The following DLG2 variants were observed in gnomAD, a reference collection of about 807,000 sequenced individuals.
DLG2 encodes the protein discs large MAGUK scaffold protein 2, also known as disks large homolog 2.
Under a neutral mutation model 132.5 loss-of-function variants are expected in DLG2, and 45 were observed. The observed-to-expected ratio is 0.34, with a 90% confidence interval of 0.27 to 0.44. The LOEUF (loss-of-function observed/expected upper bound fraction) is 0.44. DLG2 is among the 20% of genes least tolerant of loss of function. The probability of loss-of-function intolerance (pLI) is 1.00; values close to 1 mark genes in which losing one functional copy is unlikely to be tolerated. For synonymous variants in DLG2, 424 were observed against 419.6 expected, an observed-to-expected ratio of 1.01 and a Z score of -0.13; for missense variants, 1,045 against 1,196.9, an observed-to-expected ratio of 0.87 and a Z score of 1.87.
At chr11:83,753,651 TA>T (rs1430763691) in intron 18 of DLG2, among the ~76,000 whole-genome samples, 2 of 139,090 alleles carry the variant, frequency 1.4e-5, no homozygotes, top group Non-Finnish European at 3.0e-5. Flanking sequence ...AATATATCAA[TA>T]AATATATATA....
At chr11:84,422,633 T>A (rs1357428985) in intron 7 of DLG2, among the ~76,000 whole-genome samples, 1 of 152,208 alleles carries the variant, frequency 6.6e-6, no homozygotes, top group Non-Finnish European at 1.5e-5. Flanking sequence ...ATTACAGCAG[T>A]TATCATAGTT....
At chr11:84,049,183 T>C (rs1411566165) in intron 11 of DLG2, among the ~76,000 whole-genome samples, 7 of 151,748 alleles carry the variant, frequency 4.6e-5, no homozygotes, top group Admixed American at 2.6e-4. Context: ...ATAGAAAAGC[T>C]GGTAAAATTT....
chr11:83,811,125 T>C (rs188970120), intron 17 of DLG2, among the ~76,000 whole-genome samples: 100 of 152,238 alleles, frequency 6.6e-4, no homozygotes, highest in African/African-American at 2.1e-3. Flanking sequence ...TAAGTGATGA[T>C]AGGAATATCT....
intron 6 of DLG2, among the ~76,000 whole-genome samples, chr11:84,861,650 A>AAAAC (rs1344450913): frequency 1.4e-5 from 2 of 145,948 alleles, no homozygotes; most frequent in African/African-American, 5.1e-5. Context: ...CAAAAAAAAA[A>AAAAC]ACCTATCAGA....
intron 3 of DLG2, among the ~76,000 whole-genome samples, chr11:85,417,579 T>A (rs2152989945): frequency 6.6e-6 from 1 of 152,280 alleles, no homozygotes; most frequent in Non-Finnish European, 1.5e-5. Flanking sequence ...GGTCCTCAGC[T>A]TTTTTTGGTT....
intron 7 of DLG2, among the ~76,000 whole-genome samples, chr11:84,528,190 G>C (rs1005186479): frequency 6.6e-6 from 1 of 152,064 alleles, no homozygotes; most frequent in Non-Finnish European, 1.5e-5. Context: ...GAAAATTCTT[G>C]TGGTTTATTA....
At chr11:85,056,087 A>C (rs143033633) in intron 6 of DLG2, among the ~76,000 whole-genome samples, 1 of 152,238 alleles carries the variant, frequency 6.6e-6, no homozygotes, top group African/African-American at 2.4e-5. Flanking sequence ...CATTCAATAA[A>C]AATCAGCTAT....
Position 83,532,764 on chromosome 11 carries a change from C to T in DLG2, c.2137G>A (p.Ala713Thr). The T allele has an allele frequency of 6.2e-7, 1 of 1,612,638 alleles. No individual in the cohort carries two copies. The highest frequency in any genetic ancestry group is 8.5e-7 in the Non-Finnish European group (1 of 1,179,208). ...SKRRVERKER[A>T]RLKTVKFNAK... ...TTAAACTTCACTGTCTTCAATCGGG[C>T]ACGTTCCTTTCTTTCCACCCTAAAG... The change falls in exon 21 of 28, where the codon GCC (alanine) becomes ACC (threonine). Residue 713 changes from alanine to threonine, a missense_variant. Around this residue, in one of 4 missense-constraint regions of DLG2, gnomAD observed 398 missense variants for 543.6 expected, o/e 0.73. Transcript: ENST00000376104.
At chr11:85,389,713 A>T (rs2086639624) in intron 3 of DLG2, among the ~76,000 whole-genome samples, 1 of 152,302 alleles carries the variant, frequency 6.6e-6, no homozygotes, top group South Asian at 2.1e-4. Flanking sequence ...TTTAGCCTCC[A>T]CAAACAAAAC....
intron 3 of DLG2, among the ~76,000 whole-genome samples, chr11:85,306,847 T>C (rs947600813): frequency 9.9e-5 from 15 of 152,114 alleles, no homozygotes; most frequent in Admixed American, 3.3e-4. Flanking sequence ...GTTGGGATTA[T>C]AGGCGTGAGC....
intron 7 of DLG2, among the ~76,000 whole-genome samples, chr11:84,421,002 C>T (rs1480104167): frequency 6.6e-6 from 1 of 152,102 alleles, no homozygotes; most frequent in Non-Finnish European, 1.5e-5. Context: ...TCCGTAGAAA[C>T]CTAATCCTCA....
chr11:84,848,945 G>A (rs1417153321), intron 6 of DLG2, among the ~76,000 whole-genome samples: 1 of 152,210 alleles, frequency 6.6e-6, no homozygotes, highest in East Asian at 1.9e-4. Context: ...CATAACAGAG[G>A]TAATACAGTG....
chr11:85,465,633 A>ACTCATCATT (rs2092763843), intron 3 of DLG2, among the ~76,000 whole-genome samples: 1 of 152,064 alleles, frequency 6.6e-6, no homozygotes, highest in Non-Finnish European at 1.5e-5. Flanking sequence ...AAGGACATGA[A>ACTCATCATT]CTCATCATTT....
intron 4 of DLG2, among the ~76,000 whole-genome samples, chr11:85,173,549 C>T (rs187924477): frequency 3.5e-4 from 54 of 152,276 alleles, no homozygotes; most frequent in Non-Finnish European, 6.5e-4. Context: ...ACCAGTGCCA[C>T]TATGAAGTAA....
intron 4 of DLG2, among the ~76,000 whole-genome samples, chr11:85,182,742 C>T (rs543783277): frequency 1.3e-5 from 2 of 150,880 alleles, no homozygotes; most frequent in South Asian, 4.2e-4. Flanking sequence ...AGCCACAAAA[C>T]AACATTTAGG....
At chr11:83,527,526 C>CAG (rs768604203) in intron 21 of DLG2, among the ~76,000 whole-genome samples, 7 of 151,650 alleles carry the variant, frequency 4.6e-5, no homozygotes, top group African/African-American at 1.2e-4. Flanking sequence ...GCCTGGGCAA[C>CAG]AGAGAGAGAC....
intron 11 of DLG2, among the ~76,000 whole-genome samples, chr11:84,020,981 T>C (rs1429947532): frequency 6.6e-6 from 1 of 152,106 alleles, no homozygotes; most frequent in African/African-American, 2.4e-5. Flanking sequence ...CCTAAATCAG[T>C]AGGCCTTGGG....
intron 16 of DLG2, among the ~76,000 whole-genome samples, chr11:83,870,863 T>C (rs1191942203): frequency 1.3e-5 from 2 of 152,186 alleles, no homozygotes; most frequent in African/African-American, 2.4e-5. Context: ...ATAGTGCTAC[T>C]GCACTGTGGT....
chr11:85,391,220 T>A (rs755716965), intron 3 of DLG2, among the ~76,000 whole-genome samples: 5 of 151,768 alleles, frequency 3.3e-5, no homozygotes, highest in Non-Finnish European at 5.9e-5. Flanking sequence ...GTATACAAAT[T>A]CCTCCCAGAT....
Sources: gnomAD v4.1 joint callset for allele counts (sites outside exome capture counted in the v4.1 genomes callset) on GRCh38, gnomAD v4.1.1 for gene constraint, gnomAD v4.1.1 regional missense constraint, MANE v1.5 for transcripts, NCBI Gene and HGNC (gene_info 2026-07-23, HGNC 2026-07-21) for gene names.